The following CNTLN variants were observed in gnomAD, a reference collection of about 807,000 sequenced individuals.
The protein encoded by CNTLN is centlein, centrosomal protein.
A neutral mutation model predicts 180.0 loss-of-function variants in CNTLN; 212 were observed. The observed-to-expected ratio is 1.18, with a 90% CI of 1.05 to 1.32. The LOEUF (loss-of-function observed/expected upper bound fraction) is 1.32. Among genes scored for constraint, CNTLN ranks in the 40% most tolerant of loss-of-function variants. CNTLN has a pLI of 0.00. For missense variants in CNTLN, 2,095 were observed against 1,610.9 expected (o/e 1.30, Z -5.14); for synonymous variants, 722 against 563.1 (o/e 1.28, Z -3.99).
chr9:17,385,136 T>G (rs1224527081), intron 13 of CNTLN, among the ~76,000 whole-genome samples: 1 of 152,220 alleles, frequency 6.6e-6, no homozygotes, highest in African/African-American at 2.4e-5. Context: ...AACAGCCAAA[T>G]AGAAGAGTTG....
intron 2 of CNTLN, among the ~76,000 whole-genome samples, chr9:17,218,963 T>C (rs561085108): frequency 1.3e-5 from 2 of 152,288 alleles, no homozygotes; most frequent in East Asian, 3.9e-4. Context: ...ATTTCTCAGA[T>C]TTTTGAGCTT....
intron 18 of CNTLN, among the ~76,000 whole-genome samples, chr9:17,441,239 G>C (rs1830089445): frequency 6.6e-6 from 1 of 152,124 alleles, no homozygotes; most frequent in Non-Finnish European, 1.5e-5. Flanking sequence ...GAAACAAAAA[G>C]ATGCTAAACA....
At chr9:17,432,712 T>G (rs1177691184) in intron 18 of CNTLN, among the ~76,000 whole-genome samples, 4 of 152,068 alleles carry the variant, frequency 2.6e-5, no homozygotes, top group Non-Finnish European at 5.9e-5. Context: ...TATTCTCTGT[T>G]AAAATATTTC....
intron 23 of CNTLN, among the ~76,000 whole-genome samples, chr9:17,471,450 G>T (rs1392615425): frequency 6.6e-6 from 1 of 152,066 alleles, no homozygotes; most frequent in Non-Finnish European, 1.5e-5. Context: ...TGATATGTAT[G>T]TCTAAAAACC....
intron 12 of CNTLN, among the ~76,000 whole-genome samples, chr9:17,344,512 G>A (rs937608934): frequency 2.0e-5 from 3 of 152,080 alleles, no homozygotes; most frequent in Admixed American, 1.3e-4. Flanking sequence ...CTGTTTGAGC[G>A]CTGTGTGATA....
intron 2 of CNTLN, among the ~76,000 whole-genome samples, chr9:17,196,254 C>T (rs1457314254): frequency 5.9e-5 from 9 of 152,134 alleles, no homozygotes; most frequent in Admixed American, 5.9e-4. Flanking sequence ...GAACTCTTGA[C>T]CTCAGGTGAT....
chr9:17,213,655 G>A (rs1183485164), intron 2 of CNTLN, among the ~76,000 whole-genome samples: 1 of 152,122 alleles, frequency 6.6e-6, no homozygotes, highest in African/African-American at 2.4e-5. Flanking sequence ...TGACAGTGGG[G>A]TGTTATCGTC....
intron 2 of CNTLN, among the ~76,000 whole-genome samples, chr9:17,225,617 C>G (rs747258548): frequency 6.6e-6 from 1 of 151,856 alleles, no homozygotes; most frequent in Non-Finnish European, 1.5e-5. Flanking sequence ...CTTTATAAAG[C>G]TATATTTGTT....
intron 25 of CNTLN, among the ~76,000 whole-genome samples, chr9:17,489,962 CT>C (rs1197360832): frequency 6.6e-6 from 1 of 152,144 alleles, no homozygotes; most frequent in Non-Finnish European, 1.5e-5. Context: ...ATAAATCTCT[CT>C]TTTCACATTG....
chr9:17,323,244 G>C (rs1182570997), intron 8 of CNTLN, among the ~76,000 whole-genome samples: 1 of 152,064 alleles, frequency 6.6e-6, no homozygotes, highest in African/African-American at 2.4e-5. Context: ...AATATGGCTC[G>C]CAATTTGCAA....
intron 2 of CNTLN, among the ~76,000 whole-genome samples, chr9:17,160,993 A>G (rs1028766990): frequency 6.6e-6 from 1 of 152,212 alleles, no homozygotes; most frequent in African/African-American, 2.4e-5. Flanking sequence ...TCTAATAGGA[A>G]AGACATTTGT....
chr9:17,525,975 G>C, the CNTLN span, among the ~76,000 whole-genome samples: 1 of 151,002 alleles, frequency 6.6e-6, no homozygotes, highest in Non-Finnish European at 1.5e-5. Flanking sequence ...TTGCTCTGTC[G>C]CCCAGGCTGG....
intron 18 of CNTLN, among the ~76,000 whole-genome samples, chr9:17,445,453 A>G (rs1180520114): frequency 6.6e-6 from 1 of 152,184 alleles, no homozygotes; most frequent in Non-Finnish European, 1.5e-5. Flanking sequence ...ACTAAGAAAA[A>G]TTCTTCTGCC....
intron 5 of CNTLN, among the ~76,000 whole-genome samples, chr9:17,272,470 C>A (rs1828021169): frequency 6.6e-6 from 1 of 152,126 alleles, no homozygotes; most frequent in African/African-American, 2.4e-5. Flanking sequence ...TTACCATCCT[C>A]TATTTCTACC....
chr9:17,187,490 C>G (rs937082091), intron 2 of CNTLN, among the ~76,000 whole-genome samples: 8 of 151,960 alleles, frequency 5.3e-5, no homozygotes, highest in African/African-American at 1.9e-4. Flanking sequence ...AATCATAGAC[C>G]TACTATCTAG....
intron 5 of CNTLN, among the ~76,000 whole-genome samples, chr9:17,267,435 TG>T (rs1827561331): frequency 1.3e-5 from 2 of 152,176 alleles, no homozygotes; most frequent in African/African-American, 4.8e-5. Context: ...CTTCCCTTTG[TG>T]GGTAACCCGA....
chr9:17,347,467 G>A (rs948317472), intron 12 of CNTLN, among the ~76,000 whole-genome samples: 2 of 151,990 alleles, frequency 1.3e-5, no homozygotes, highest in Admixed American at 1.3e-4. Flanking sequence ...TCAGGGGTTC[G>A]AGACCAGCCT....
At chr9:17,297,687 A>G (rs2132783441) in intron 6 of CNTLN, among the ~76,000 whole-genome samples, 1 of 152,346 alleles carries the variant, frequency 6.6e-6, no homozygotes, top group South Asian at 2.1e-4. Flanking sequence ...CAAGTATCCC[A>G]GCCCAGGACC....
chr9:17,184,745 C>T (rs75250984), intron 2 of CNTLN, among the ~76,000 whole-genome samples: 1 of 152,160 alleles, frequency 6.6e-6, no homozygotes, highest in African/African-American at 2.4e-5. Context: ...TAGGAATACT[C>T]ACACAATAAC....
Sources: allele counts gnomAD v4.1 joint callset (sites outside exome capture counted in the v4.1 genomes callset), GRCh38; gene constraint gnomAD v4.1.1; transcripts MANE v1.5; gene names NCBI Gene and HGNC (gene_info 2026-07-23, HGNC 2026-07-21).